The following RORB variants were observed in gnomAD, a reference collection of about 807,000 sequenced individuals.
RORB encodes RAR related orphan receptor B.
In RORB, 6 loss-of-function variants were observed where a neutral mutation model predicts 59.1. That is an observed-to-expected ratio of 0.10 (90% CI 0.06 to 0.20). The LOEUF is 0.20. RORB is among the 10% of genes least tolerant of loss of function. RORB has a pLI of 1.00. For synonymous variants in RORB, 215 were observed against 204.5 expected, an observed-to-expected ratio of 1.05 and a Z score of -0.44; for missense variants, 320 against 560.5, an observed-to-expected ratio of 0.57 and a Z score of 4.33.
rs919898724 is a variant in RORB at position 74,685,730 on chromosome 9, T to C, written c.*112T>C. 13 of 715,572 alleles carry C rather than the reference T, an allele frequency of 1.8e-5. No homozygotes were observed. Among genetic ancestry groups the C allele is most frequent in the East Asian group, 2.8e-5 (1 of 35,676 alleles). 44.3% of individuals were successfully genotyped at this position (715,572 alleles called of 1,614,324 possible). On this transcript the variant is annotated 3_prime_UTR_variant, in exon 10 of 10. Transcript: ENST00000376896. ...CACTACTGCAACATTAGGAATGTCC[T>C]GCACTTAATAGAATTATTTTTCACC...
chr9:74,639,168 A>G (rs993484730), intron 3 of RORB, among the ~76,000 whole-genome samples: 2 of 152,228 alleles, frequency 1.3e-5, no homozygotes, highest in South Asian at 2.1e-4. Flanking sequence ...GGGATGACCA[A>G]GGAGGTCTGG....
intron 2 of RORB, 42 bp from the exon 3 acceptor site, chr9:74,634,589 T>C: frequency 6.5e-7 from 1 of 1,539,014 alleles, no homozygotes; most frequent in South Asian, 1.2e-5. Context: ...CTGTTTCCCT[T>C]CTTATAAATC....
At chr9:74,545,807 GT>G (rs58788419) in intron 1 of RORB, among the ~76,000 whole-genome samples, 2 of 150,138 alleles carry the variant, frequency 1.3e-5, no homozygotes, top group South Asian at 2.1e-4. Context: ...TTACCTGACA[GT>G]TTTTTTTTTC....
chr9:74,587,215 T>G (rs1357106731), intron 1 of RORB, among the ~76,000 whole-genome samples: 1 of 152,208 alleles, frequency 6.6e-6, no homozygotes, highest in Non-Finnish European at 1.5e-5. Context: ...GTCAGAGCTT[T>G]ATTGCTCCCA....
At chr9:74,652,113 C>A (rs992514748) in intron 4 of RORB, among the ~76,000 whole-genome samples, 1 of 152,140 alleles carries the variant, frequency 6.6e-6, no homozygotes, top group Non-Finnish European at 1.5e-5. Context: ...GCTTTCTTAC[C>A]TTTTATTAGA....
At chr9:74,522,783 A>G (rs1039663000) in intron 1 of RORB, among the ~76,000 whole-genome samples, 6 of 151,818 alleles carry the variant, frequency 4.0e-5, no homozygotes, top group South Asian at 4.1e-4. Flanking sequence ...TTGGTGCTCC[A>G]CTGTACCCAG....
chr9:74,626,607 T>C (rs1164806681), intron 1 of RORB, among the ~76,000 whole-genome samples: 3 of 152,112 alleles, frequency 2.0e-5, no homozygotes, highest in Non-Finnish European at 2.9e-5. Context: ...AATACAAAGG[T>C]CAAACTCTTT....
Position 74,625,767 on chromosome 9 carries a change from C to T in RORB, c.8-4515C>T, listed in dbSNP as rs140707965. 1.3e-4 allele frequency among the ~76,000 whole-genome samples: 20 copies of T among 152,266 alleles called. No individual in the cohort carries two copies. In the East Asian group the frequency reaches 3.9e-3, roughly 29 times the overall value. ...TAGAAAACAAAGTATGATCTTGTCC[C>T]TCTCTTCAATGGATTTAAAATGCCC... On this transcript the variant is annotated intron_variant, in intron 1 of 9. Coordinates refer to ENST00000376896, the MANE Select transcript of RORB (RefSeq NM_006914.4).
At chr9:74,593,758 G>A in intron 1 of RORB, among the ~76,000 whole-genome samples, 1 of 152,166 alleles carries the variant, frequency 6.6e-6, no homozygotes, top group East Asian at 1.9e-4. Flanking sequence ...AGCCAGAAGA[G>A]CAATAGATTC....
At chr9:74,600,234 G>A (rs1823033914) in intron 1 of RORB, among the ~76,000 whole-genome samples, 1 of 152,144 alleles carries the variant, frequency 6.6e-6, no homozygotes, top group African/African-American at 2.4e-5. Flanking sequence ...CCTAGAGGTG[G>A]TTTTATTCTT....
chr9:74,548,415 A>T (rs1037425918), intron 1 of RORB, among the ~76,000 whole-genome samples: 3 of 152,246 alleles, frequency 2.0e-5, no homozygotes, highest in Admixed American at 2.0e-4. Context: ...TATAATTTCA[A>T]AATAATGCAG....
intron 9 of RORB, among the ~76,000 whole-genome samples, chr9:74,682,722 C>A (rs1824567102): frequency 6.6e-6 from 1 of 152,156 alleles, no homozygotes; most frequent in South Asian, 2.1e-4. Context: ...ACACTTAGTT[C>A]AGAGGACTGT....
At chr9:74,635,649 T>C (rs948248788) in intron 3 of RORB, among the ~76,000 whole-genome samples, 1 of 152,072 alleles carries the variant, frequency 6.6e-6, no homozygotes, top group African/African-American at 2.4e-5. Flanking sequence ...CACCTAAATG[T>C]TTGTTGAATA....
At chr9:74,666,845 G>C (rs1003119787) in intron 7 of RORB, among the ~76,000 whole-genome samples, 1 of 152,194 alleles carries the variant, frequency 6.6e-6, no homozygotes, top group Admixed American at 6.5e-5. Context: ...TCAGTGCATG[G>C]CATGGTAGGA....
At chr9:74,513,808 A>G (rs1825973381) in intron 1 of RORB, among the ~76,000 whole-genome samples, 1 of 152,134 alleles carries the variant, frequency 6.6e-6, no homozygotes, top group Admixed American at 6.6e-5. Flanking sequence ...GTATATTTAA[A>G]TGAAACTCAT....
intron 9 of RORB, among the ~76,000 whole-genome samples, chr9:74,682,493 G>A (rs1195462929): frequency 6.6e-6 from 1 of 151,726 alleles, no homozygotes; most frequent in African/African-American, 2.4e-5. Flanking sequence ...TCACATAGCT[G>A]TAAAGGACAG....
At chr9:74,568,626 G>A (rs1455311920) in intron 1 of RORB, among the ~76,000 whole-genome samples, 1 of 150,866 alleles carries the variant, frequency 6.6e-6, no homozygotes. Flanking sequence ...CTTGAACCCG[G>A]GAAGCAGAGG....
rs575396062 is a variant in RORB at position 74,497,660 on chromosome 9, G to T, written c.-317G>T. 4.0e-4 allele frequency: 181 copies of T among 454,962 alleles called. No individual in the cohort carries two copies. Among genetic ancestry groups the T allele is most frequent in the Non-Finnish European group, 6.2e-4 (158 of 254,778 alleles). 28.2% of individuals were successfully genotyped at this position (454,962 alleles called of 1,614,324 possible). ...AAAAAGCAAGCACATTGGAGAGAAAGAAAAAGAAAAACAAAACCAAAACAA... is the reference window on the plus strand; with the variant it reads ...AAAAAGCAAGCACATTGGAGAGAAATAAAAAGAAAAACAAAACCAAAACAA... On this transcript the variant is annotated 5_prime_UTR_variant, in exon 1 of 10. Coordinates refer to ENST00000376896, the MANE Select transcript of RORB (RefSeq NM_006914.4).
intron 1 of RORB, among the ~76,000 whole-genome samples, chr9:74,539,952 G>A (rs1826379459): frequency 6.7e-6 from 1 of 150,348 alleles, no homozygotes; most frequent in African/African-American, 2.5e-5. Context: ...AGACAAAAAA[G>A]CAATCATCAT....
Sources: allele counts gnomAD v4.1 joint callset (sites outside exome capture counted in the v4.1 genomes callset), GRCh38; gene constraint gnomAD v4.1.1; transcripts MANE v1.5; gene names NCBI Gene and HGNC (gene_info 2026-07-23, HGNC 2026-07-21).